NEIL2: variants seen among roughly 807,000 people sequenced by gnomAD.
NEIL2 encodes the protein endonuclease 8-like 2.
Under a neutral mutation model 22.2 loss-of-function variants are expected in NEIL2, and 23 were observed. That is an observed-to-expected ratio of 1.04 (90% confidence interval 0.75 to 1.47). The LOEUF is 1.47. Among genes scored for constraint, NEIL2 ranks in the 40% most tolerant of loss-of-function variants. The pLI is 0.00. For synonymous variants in NEIL2, 229 were observed against 164.8 expected, an observed-to-expected ratio of 1.39 and a Z score of -2.99; for missense variants, 583 against 404.7, an observed-to-expected ratio of 1.44 and a Z score of -3.78.
chr8:11,785,298 C>G (rs1448486063), intron 4 of NEIL2, among the ~76,000 whole-genome samples: 1 of 152,170 alleles, frequency 6.6e-6, no homozygotes, highest in African/African-American at 2.4e-5. Context: ...CAGGTTTAAG[C>G]TAGTCTCCTA....
intron 2 of NEIL2, among the ~76,000 whole-genome samples, chr8:11,776,458 G>A (rs994802902): frequency 5.3e-5 from 8 of 152,198 alleles, no homozygotes; most frequent in Non-Finnish European, 1.0e-4. Flanking sequence ...TTGGACACTC[G>A]GATTGTTTCA....
At chr8:11,777,651 T>C (rs1804027800) in intron 2 of NEIL2, among the ~76,000 whole-genome samples, 1 of 152,214 alleles carries the variant, frequency 6.6e-6, no homozygotes, top group African/African-American at 2.4e-5. Flanking sequence ...TTTTTTTGAC[T>C]GGCTTATTTC....
At chr8:11,783,129 T>C (rs1804584241) in intron 3 of NEIL2, 74 bp from the exon 4 acceptor site, 3 of 1,319,182 alleles carry the variant, frequency 2.3e-6, no homozygotes, top group African/African-American at 1.4e-5. Flanking sequence ...TATGTGTGTA[T>C]GACCCAGCCA....
chr8:11,771,882 A>G (rs1803482351), intron 2 of NEIL2, among the ~76,000 whole-genome samples: 2 of 152,134 alleles, frequency 1.3e-5, no homozygotes, highest in African/African-American at 2.4e-5. Flanking sequence ...ACTGTGTTCT[A>G]TTCCCCTGAG....
At chr8:11,776,165 G>C (rs1201950692) in intron 2 of NEIL2, among the ~76,000 whole-genome samples, 1 of 152,204 alleles carries the variant, frequency 6.6e-6, no homozygotes, top group African/African-American at 2.4e-5. Flanking sequence ...TCATAATCAT[G>C]GTGGAAGGCA....
intron 3 of NEIL2, among the ~76,000 whole-genome samples, 196 bp downstream of exon 3, chr8:11,780,146 G>A (rs1156832227): frequency 6.6e-6 from 1 of 152,010 alleles, no homozygotes; most frequent in Non-Finnish European, 1.5e-5. Context: ...GCAGGAGAGG[G>A]TTGTGCACCA....
At chr8:11,781,145 T>C (rs1026378074) in intron 3 of NEIL2, among the ~76,000 whole-genome samples, 1 of 147,394 alleles carries the variant, frequency 6.8e-6, no homozygotes, top group African/African-American at 2.6e-5. Flanking sequence ...TTATAACTTG[T>C]AAAAATGTTT....
At chr8:11,777,858 A>G (rs8191596) in intron 2 of NEIL2, among the ~76,000 whole-genome samples, 1,604 of 152,358 alleles carry the variant, frequency 0.011, 12 homozygotes, top group Non-Finnish European at 0.014. Flanking sequence ...GTCATTTGCA[A>G]TTGGCATTAT....
chr8:11,779,178 G>C (rs1177499672), intron 2 of NEIL2, among the ~76,000 whole-genome samples: 1 of 152,152 alleles, frequency 6.6e-6, no homozygotes, highest in Non-Finnish European at 1.5e-5. Context: ...GGGGTACCCA[G>C]TTTCACAGGG....
At chr8:11,777,585 G>T (rs1042137606) in intron 2 of NEIL2, among the ~76,000 whole-genome samples, 4 of 151,900 alleles carry the variant, frequency 2.6e-5, no homozygotes, top group Non-Finnish European at 5.9e-5. Flanking sequence ...TTTCTGTCTC[G>T]ATGAATTTTA....
At position 11,786,386 on chromosome 8, in the gene NEIL2, G is replaced by T. The variant is rs910996733; in HGVS notation, c.*113G>T. 1.8e-5 allele frequency: 18 copies of T among 1,003,298 alleles called. No individual in the cohort carries two copies. The highest frequency in any genetic ancestry group is 2.6e-5 in the Non-Finnish European group (17 of 649,610). 62.1% of individuals were successfully genotyped at this position (1,003,298 alleles called of 1,614,324 possible). ...GTACAGAGGATAGTGTGGGTCAGAG[G>T]TGCCAGTAGTATAATATTCGTCTCC... On this transcript the variant is annotated 3_prime_UTR_variant, in exon 5 of 5. Transcript: ENST00000284503.
rs1485348722 is a variant in NEIL2, at chr8:11,783,224, T to C, written c.513T>C (p.Gly171=). 5.6e-6 allele frequency: 9 copies of C among 1,614,142 alleles called. No homozygotes were observed. The highest frequency in any genetic ancestry group is 5.9e-6 in the Non-Finnish European group (7 of 1,180,056). ...PSPRLVLHFG[G]GGFLAFYNCQ... ...CCAGGTTGGTCCTGCACTTTGGTGGTGGTGGCTTCCTGGCATTTTATAATT... is the reference window on the plus strand; with the variant it reads ...CCAGGTTGGTCCTGCACTTTGGTGGCGGTGGCTTCCTGGCATTTTATAATT... Residue 171 remains glycine (G), a synonymous_variant, in exon 4 of 5, where the codon GGT becomes GGC. Coordinates refer to ENST00000284503, the MANE Select transcript of NEIL2 (RefSeq NM_145043.4).
At chr8:11,783,094 TGTG>T (rs1804578945) in intron 3 of NEIL2, 106 bp from the exon 4 acceptor site, 1 of 880,974 alleles carries the variant, frequency 1.1e-6, no homozygotes, top group African/African-American at 1.6e-5. Flanking sequence ...TGCTCTATGT[TGTG>T]GTAACGATGT....
At chr8:11,783,572 A>C (rs1804636438) in intron 4 of NEIL2, among the ~76,000 whole-genome samples, 173 bp downstream of exon 4, 1 of 152,218 alleles carries the variant, frequency 6.6e-6, no homozygotes, top group Non-Finnish European at 1.5e-5. Context: ...TGAGGGCATT[A>C]GATCAGGCAG....
intron 4 of NEIL2, among the ~76,000 whole-genome samples, chr8:11,784,106 G>T (rs1190486718): frequency 2.0e-5 from 3 of 152,208 alleles, no homozygotes; most frequent in Non-Finnish European, 4.4e-5. Context: ...GCAGGTTGGT[G>T]GTGACAGAGT....
intron 2 of NEIL2, among the ~76,000 whole-genome samples, chr8:11,778,943 GAA>G (rs57173797): frequency 2.5e-4 from 11 of 44,492 alleles, no homozygotes; most frequent in African/African-American, 4.5e-4. Flanking sequence ...GACTCCATCT[GAA>G]AAAAAAAAAA....
chr8:11,784,091 A>G lies in NEIL2; in HGVS notation c.688+692A>G, dbSNP rs547266100. Among the ~76,000 whole-genome samples, 5 of 152,340 alleles carry G rather than the reference A, an allele frequency of 3.3e-5. No homozygotes were observed. The South Asian group carries it at 6.2e-4, about 19-fold the overall frequency. ...GTGCCCAAAATTGGTTGCTGAAGCA[A>G]TCAGGCAGGTTGGTGGTGACAGAGT... is the stretch of plus-strand genomic sequence containing the variant. On this transcript the variant is annotated intron_variant, in intron 4 of 4. Coordinates refer to ENST00000284503, the MANE Select transcript of NEIL2 (RefSeq NM_145043.4).
intron 2 of NEIL2, among the ~76,000 whole-genome samples, chr8:11,773,468 C>A (rs941122798): frequency 6.6e-6 from 1 of 152,092 alleles, no homozygotes; most frequent in African/African-American, 2.4e-5. Flanking sequence ...TCGACACAGG[C>A]CACACTATTA....
At chr8:11,776,833 C>T (rs572985683) in intron 2 of NEIL2, among the ~76,000 whole-genome samples, 1 of 152,196 alleles carries the variant, frequency 6.6e-6, no homozygotes, top group African/African-American at 2.4e-5. Context: ...CCTTCCTGTG[C>T]CTGTTCCTCA....
Sources: allele counts gnomAD v4.1 joint callset (sites outside exome capture counted in the v4.1 genomes callset), GRCh38; gene constraint gnomAD v4.1.1; transcripts MANE v1.5; gene names NCBI Gene and HGNC (gene_info 2026-07-23, HGNC 2026-07-21).